Variants in TDRD9 observed in about 807,000 individuals in gnomAD.
The protein encoded by TDRD9 is tudor domain containing 9, also known as ATP-dependent RNA helicase TDRD9.
A neutral mutation model predicts 172.6 loss-of-function variants in TDRD9; 124 were observed. That is an observed-to-expected ratio of 0.72 (90% confidence interval 0.62 to 0.83). The LOEUF (loss-of-function observed/expected upper bound fraction) is 0.83, where lower values mean the gene tolerates loss of function less well. Among genes scored for constraint, TDRD9 ranks in the 40% least tolerant of loss-of-function variants. The pLI is 0.00. For synonymous variants in TDRD9, 619 were observed against 617.1 expected (o/e 1.00, Z -0.05); for missense variants, 1,479 against 1,714.1 (o/e 0.86, Z 2.42).
intron 23 of TDRD9, among the ~76,000 whole-genome samples, chr14:104,020,281 G>C (rs570818343): frequency 3.3e-5 from 5 of 152,332 alleles, no homozygotes; most frequent in Admixed American, 1.3e-4. Flanking sequence ...TGGAGTCTTT[G>C]CAGTAGTCCA....
intron 33 of TDRD9, among the ~76,000 whole-genome samples, chr14:104,040,969 C>T (rs1002239241): frequency 1.3e-5 from 2 of 152,208 alleles, no homozygotes; most frequent in African/African-American, 4.8e-5. Context: ...ATTTTTATTG[C>T]ATTTTACAAA....
chr14:103,986,485 A>T (rs2033665461), intron 8 of TDRD9, among the ~76,000 whole-genome samples, 165 bp downstream of exon 8: 1 of 152,186 alleles, frequency 6.6e-6, no homozygotes, highest in South Asian at 2.1e-4. Flanking sequence ...GAATTTTTTT[A>T]ACTGGAAATA....
At chr14:103,947,289 T>G (rs1167741645) in intron 1 of TDRD9, among the ~76,000 whole-genome samples, 3 of 150,890 alleles carry the variant, frequency 2.0e-5, no homozygotes, top group Non-Finnish European at 4.4e-5. Context: ...GGACAGTTTG[T>G]TTTTTTTGTT....
At chr14:104,005,098 C>T in intron 14 of TDRD9, 176 bp from the exon 15 acceptor site, 1 of 502,554 alleles carries the variant, frequency 2.0e-6, no homozygotes, top group Non-Finnish European at 3.5e-6. Context: ...TCTTTCTCTC[C>T]TGTTCTTTCT....
chr14:103,975,460 G>T lies in TDRD9; in HGVS notation c.918G>T (p.Lys306Asn). Residue 306 changes from lysine to asparagine, a missense_variant, in exon 7 of 36, where the codon AAG (lysine) becomes AAT (asparagine). Lys to Asn is a moderately conservative substitution (Grantham distance 94). Coordinates refer to ENST00000409874, the MANE Select transcript of TDRD9 (RefSeq NM_153046.3). ...ADYFAVPVQN[K>N]MNPAYIFEVE... ...ACTTTGCTGTTCCTGTTCAAAACAA[G>T]ATGAATCCTGCATATATTTTTGAAG... The T allele has an allele frequency of 6.2e-7, 1 of 1,613,928 alleles. No individual in the cohort carries two copies. The highest frequency in any genetic ancestry group is 2.2e-5 in the East Asian group (1 of 44,866).
intron 34 of TDRD9, among the ~76,000 whole-genome samples, chr14:104,046,924 G>A (rs1011349057): frequency 6.6e-6 from 1 of 152,190 alleles, no homozygotes; most frequent in Non-Finnish European, 1.5e-5. Flanking sequence ...GGGATTACAG[G>A]CGTGAGCCAC....
At position 104,025,678 on chromosome 14, in the gene TDRD9, C is replaced by T. The variant is rs2035095101; in HGVS notation, c.2833C>T (p.Pro945Ser). ...QLTLVPLPTH[P>S]HPDLVCLAPF... ...GACGCTGGTGCCCTTGCCCACTCAC[C>T]CACATCCAGACTTGGTCTGTCTGGC... The change falls in exon 26 of 36, where the codon CCA becomes TCA. Residue 945 changes from proline (P) to serine (S), a missense_variant. Physicochemically the swap from Pro to Ser is moderately conservative, Grantham distance 74. This residue lies in a region of TDRD9 where 1,413 missense variants were observed against 1,649.1 expected (regional missense o/e 0.86). Transcript: ENST00000409874. 1 of 1,613,864 alleles carries T rather than the reference C, an allele frequency of 6.2e-7. No individual in the cohort carries two copies. Among genetic ancestry groups the T allele is most frequent in the Non-Finnish European group, 8.5e-7 (1 of 1,179,866 alleles).
intron 8 of TDRD9, among the ~76,000 whole-genome samples, chr14:103,987,742 T>C (rs1252181011): frequency 1.3e-5 from 2 of 152,228 alleles, no homozygotes; most frequent in African/African-American, 4.8e-5. Flanking sequence ...GATGGAGTGT[T>C]CTATAGATGT....
intron 1 of TDRD9, among the ~76,000 whole-genome samples, chr14:103,939,521 G>A: frequency 6.6e-6 from 1 of 151,860 alleles, no homozygotes; most frequent in Non-Finnish European, 1.5e-5. Flanking sequence ...AGGAATGAGA[G>A]GTGTCTTTAT....
intron 29 of TDRD9, 42 bp from the exon 30 acceptor site, chr14:104,031,975 A>G (rs2035295750): frequency 7.3e-7 from 1 of 1,372,388 alleles, no homozygotes; most frequent in Admixed American, 2.5e-5. Context: ...GTTAAGTGTT[A>G]TCTTGCTTAT....
At chr14:103,934,207 C>T (rs1475907059) in intron 1 of TDRD9, among the ~76,000 whole-genome samples, 1 of 152,050 alleles carries the variant, frequency 6.6e-6, no homozygotes, top group African/African-American at 2.4e-5. Context: ...AAGATGGTGT[C>T]TCACTATGTT....
chr14:103,975,292 A>C lies in TDRD9; in HGVS notation c.847-97A>C, dbSNP rs992744586. 6 of 1,144,654 alleles carry C rather than the reference A, an allele frequency of 5.2e-6. No homozygotes were observed. In the African/African-American group the frequency reaches 9.3e-5, roughly 18 times the overall value. The allele number at this position is 1,144,654 out of a possible 1,614,324, so 70.9% of individuals were successfully genotyped here. ...TGTTTAAAGTCTCAAAAGTTGTTAG[A>C]TAAGGAGTGAAGCAGAAGAAAAGCC... On this transcript the variant is annotated intron_variant, in intron 6 of 35. Transcript: ENST00000409874.
chr14:104,046,687 C>G (rs954680075), intron 34 of TDRD9, among the ~76,000 whole-genome samples: 1 of 151,822 alleles, frequency 6.6e-6, no homozygotes, highest in African/African-American at 2.4e-5. Flanking sequence ...GCTCTGTTGC[C>G]CAGGCTGGAG....
chr14:104,029,745 T>G (rs937210856), intron 28 of TDRD9, among the ~76,000 whole-genome samples: 5 of 152,188 alleles, frequency 3.3e-5, no homozygotes, highest in Non-Finnish European at 7.3e-5. Flanking sequence ...CATCCTTGTG[T>G]TGTTCTTGTT....
At chr14:103,930,657 T>C (rs2030323813) in intron 1 of TDRD9, among the ~76,000 whole-genome samples, 1 of 152,190 alleles carries the variant, frequency 6.6e-6, no homozygotes, top group Non-Finnish European at 1.5e-5. Context: ...AGAGACCCCT[T>C]GTGCAACTTT....
rs998877355 is a variant in TDRD9 at position 103,998,551 on chromosome 14, C to A, written c.1379-73C>A. 23 of 866,782 alleles carry A rather than the reference C, an allele frequency of 2.7e-5. No individual in the cohort carries two copies. The African/African-American group carries it at 3.5e-4, about 13-fold the overall frequency. The allele number at this position is 866,782 out of a possible 1,614,324, so 53.7% of individuals were successfully genotyped here. A position where few individuals can be genotyped will look rare whatever the true frequency, so the allele number is the denominator to read the frequency against. ...CTGCATGTTTCAAATGGCTTTATCA[C>A]TATGCATTGTGATTTATTATGCAAT... On this transcript the variant is annotated intron_variant, in intron 12 of 35. Coordinates refer to ENST00000409874, the MANE Select transcript of TDRD9 (RefSeq NM_153046.3).
intron 7 of TDRD9, among the ~76,000 whole-genome samples, chr14:103,976,237 T>A (rs1489451087): frequency 6.6e-6 from 1 of 152,138 alleles, no homozygotes. Context: ...TTTAATTGTG[T>A]GTATATACTA....
rs1461391851 is a variant in TDRD9 at position 104,049,639 on chromosome 14, A to T, written c.4006A>T (p.Ile1336Phe). The T allele has an allele frequency of 3.1e-6, 5 of 1,587,600 alleles. No homozygotes were observed. The highest frequency in any genetic ancestry group is 4.3e-6 in the Non-Finnish European group (5 of 1,167,018). Residue 1336 changes from isoleucine to phenylalanine, a missense_variant, in exon 35 of 36, where the codon ATT (isoleucine) becomes TTT (phenylalanine). Ile to Phe is a conservative substitution (Grantham distance 21). This residue lies in a region of TDRD9 where 1,413 missense variants were observed against 1,649.1 expected (regional missense o/e 0.86). Transcript: ENST00000409874. ...CTGTCAGTCAAAACCAAGGGAGAAG[A>T]TTGTTCCCAAGTGGCATGAAAAGCC... Reference protein sequence around the residue: ...LFCQSKPREKIVPKWHEKPYE... With the variant: ...LFCQSKPREKFVPKWHEKPYE...
intron 1 of TDRD9, among the ~76,000 whole-genome samples, chr14:103,949,576 A>G (rs1239630408): frequency 6.6e-6 from 1 of 152,248 alleles, no homozygotes; most frequent in Non-Finnish European, 1.5e-5. Flanking sequence ...GTCGTGCAAT[A>G]TGCATAACAC....
Sources: allele counts gnomAD v4.1 joint callset (sites outside exome capture counted in the v4.1 genomes callset), GRCh38; gene constraint gnomAD v4.1.1; regional missense constraint gnomAD v4.1.1; transcripts MANE v1.5; gene names NCBI Gene and HGNC (gene_info 2026-07-23, HGNC 2026-07-21).